Variants in SLC6A4 observed in about 807,000 individuals in gnomAD.
The protein encoded by SLC6A4 is sodium-dependent serotonin transporter.
Under a neutral mutation model 73.4 loss-of-function variants are expected in SLC6A4, and 22 were observed. That is an observed-to-expected ratio of 0.30 (90% CI 0.21 to 0.43). The LOEUF is 0.43. SLC6A4 is among the 20% of genes least tolerant of loss of function. The pLI is 1.00. For synonymous variants in SLC6A4, 270 were observed against 315.5 expected (o/e 0.86, Z 1.53); for missense variants, 593 against 808.5 (o/e 0.73, Z 3.23).
intron 1 of SLC6A4, among the ~76,000 whole-genome samples, chr17:30,229,150 CATGGACT>C (rs1239982851): frequency 6.6e-6 from 1 of 152,190 alleles, no homozygotes; most frequent in Non-Finnish European, 1.5e-5. Context: ...CAGTCATTTT[CATGGACT>C]ATGGACAGGA....
At chr17:30,212,210 C>T (rs1459669625) in intron 9 of SLC6A4, among the ~76,000 whole-genome samples, 1 of 152,056 alleles carries the variant, frequency 6.6e-6, no homozygotes, top group African/African-American at 2.4e-5. Flanking sequence ...GACTTTGAGC[C>T]ATCACAAGAC....
At position 30,230,006 on chromosome 17, in the gene SLC6A4, C is replaced by T. The variant is rs536986812; in HGVS notation, c.-221+5607G>A. ...TGCACTCCAGCCTGGACAACAGGAG[C>T]GAAACTCCATCTCAAAAAAGAAGAA... is the stretch of plus-strand genomic sequence containing the variant. On this transcript the variant is annotated intron_variant, in intron 1 of 14. Transcript: ENST00000650711. Among the ~76,000 whole-genome samples, 17 of 143,798 alleles carry T rather than the reference C, an allele frequency of 1.2e-4. No individual in the cohort carries two copies. The East Asian group carries it at 1.8e-3, about 15-fold the overall frequency. 94.3% of individuals were successfully genotyped at this position (143,798 alleles called of 152,430 possible).
At chr17:30,210,865 T>C (rs554526173) in intron 10 of SLC6A4, among the ~76,000 whole-genome samples, 1 of 152,088 alleles carries the variant, frequency 6.6e-6, no homozygotes, top group South Asian at 2.1e-4. Context: ...GGAAACAAAA[T>C]AGCACACGTG....
Position 30,195,555 on chromosome 17 carries a change from C to T in SLC6A4, c.*2901G>A, listed in dbSNP as rs940415204. ...GAATTACAGGTGTGAGCCATTGTGC[C>T]TGGTGGAGAGGGTATTATTTCACTC... On this transcript the variant is annotated 3_prime_UTR_variant, in exon 15 of 15. Coordinates refer to ENST00000650711, the MANE Select transcript of SLC6A4 (RefSeq NM_001045.6). The T allele has an allele frequency of 2.0e-5, 3 of 152,212 alleles. No homozygotes were observed. The highest frequency in any genetic ancestry group is 7.2e-5 in the African/African-American group (3 of 41,436). The allele number at this position is 152,212 out of a possible 1,614,324, so 9.4% of individuals were successfully genotyped here. A position where few individuals can be genotyped will look rare whatever the true frequency, so the allele number is the denominator to read the frequency against.
At chr17:30,210,212 G>A (rs1233440460) in intron 11 of SLC6A4, among the ~76,000 whole-genome samples, 1 of 152,192 alleles carries the variant, frequency 6.6e-6, no homozygotes, top group East Asian at 1.9e-4. Flanking sequence ...GCTCTAAAGA[G>A]TGGAAATAGG....
At chr17:30,230,101 G>GAAGAAGA (rs397965577) in intron 1 of SLC6A4, among the ~76,000 whole-genome samples, 2 of 90,428 alleles carry the variant, frequency 2.2e-5, no homozygotes, top group East Asian at 8.2e-4. Context: ...AAGAAGAGGA[G>GAAGAAGA]GAAGAGGAAG....
intron 1 of SLC6A4, among the ~76,000 whole-genome samples, chr17:30,228,973 G>A (rs937209973): frequency 3.9e-5 from 6 of 152,198 alleles, no homozygotes; most frequent in Non-Finnish European, 8.8e-5. Context: ...ACTGGGCGAG[G>A]GTGCCAACAG....
chr17:30,225,399 C>A lies in SLC6A4; in HGVS notation c.-220-2484G>T, dbSNP rs1158258103. 3.3e-5 allele frequency among the ~76,000 whole-genome samples: 5 copies of A among 152,202 alleles called. No individual in the cohort carries two copies. In the East Asian group the frequency reaches 9.6e-4, roughly 29 times the overall value. On this transcript the variant is annotated intron_variant, in intron 1 of 14. Coordinates refer to ENST00000650711, the MANE Select transcript of SLC6A4 (RefSeq NM_001045.6). Reference sequence around the variant, plus strand: ...TTTTTCTGATTCTGCAGAGCCCTGGCTGGCTTTTTCTATCAAGACTTGCAC... The same window carrying A: ...TTTTTCTGATTCTGCAGAGCCCTGGATGGCTTTTTCTATCAAGACTTGCAC...
intron 14 of SLC6A4, among the ~76,000 whole-genome samples, chr17:30,199,373 T>C (rs1905959714): frequency 6.6e-6 from 1 of 152,050 alleles, no homozygotes; most frequent in Admixed American, 6.6e-5. Context: ...TTAAGTTGCT[T>C]AATAAAATCT....
chr17:30,215,605 A>T lies in SLC6A4; in HGVS notation c.1076+6T>A. On this transcript the variant is annotated splice_donor_region_variant and intron_variant, in intron 8 of 14. Coordinates refer to ENST00000650711, the MANE Select transcript of SLC6A4 (RefSeq NM_001045.6). ...CAAGCTTTGCTTGGGGACCCCAGAT[A>T]CTCACTGGTAGCAGTTGTTGTTGAA... 1 of 1,610,418 alleles carries T rather than the reference A, an allele frequency of 6.2e-7. No homozygotes were observed. The highest frequency in any genetic ancestry group is 8.5e-7 in the Non-Finnish European group (1 of 1,176,604).
intron 1 of SLC6A4, among the ~76,000 whole-genome samples, chr17:30,231,988 T>C (rs1005459348): frequency 6.6e-6 from 1 of 152,214 alleles, no homozygotes; most frequent in African/African-American, 2.4e-5. Flanking sequence ...GAGCCAGCCA[T>C]GCACAGAGCT....
In SLC6A4 at chr17:30,196,772, C is replaced by T. The variant is rs201781604; in HGVS notation, c.*1684G>A. On this transcript the variant is annotated 3_prime_UTR_variant, in exon 15 of 15. Coordinates refer to ENST00000650711, the MANE Select transcript of SLC6A4 (RefSeq NM_001045.6). ...ATTTCCTAAATTCCCCACTTCTTTT[C>T]CTCTAGCAGTTCTGGGAAACTTCTC... 6.6e-6 allele frequency: 1 copy of T among 152,298 alleles called. No homozygotes were observed. Among genetic ancestry groups the T allele is most frequent in the African/African-American group, 2.4e-5 (1 of 41,424 alleles). The allele number at this position is 152,298 out of a possible 1,614,324, so 9.4% of individuals were successfully genotyped here. A position where few individuals can be genotyped will look rare whatever the true frequency, so the allele number is the denominator to read the frequency against.
At chr17:30,220,532 C>T (rs1383703055) in intron 3 of SLC6A4, among the ~76,000 whole-genome samples, 2 of 152,160 alleles carry the variant, frequency 1.3e-5, no homozygotes, top group Admixed American at 6.5e-5. Flanking sequence ...GCCAGCCATG[C>T]GTGGTTTGAG....
At chr17:30,217,468 TGAA>T (rs1906613919) in intron 5 of SLC6A4, among the ~76,000 whole-genome samples, 164 bp from the exon 6 acceptor site, 1 of 152,226 alleles carries the variant, frequency 6.6e-6, no homozygotes, top group Admixed American at 6.5e-5. Context: ...CTGCCTGTCC[TGAA>T]GGACCACAAA....
At position 30,210,571 on chromosome 17, in the gene SLC6A4, A is replaced by G. The variant is rs28914833; in HGVS notation, c.1393T>C (p.Phe465Leu). 2.2e-4 allele frequency: 363 copies of G among 1,613,894 alleles called. No homozygotes were observed. In the African/African-American group the frequency reaches 4.2e-3, roughly 19 times the overall value. ...CAGGTGATGACCACGGCGAGCACGA[A>G]CCGCTCCCGGCGCTTGGCCCAGACG... is the stretch of plus-strand genomic sequence containing the variant. Reference protein sequence around the residue: ...PHVWAKRRERFVLAVVITCFF... With the variant: ...PHVWAKRRERLVLAVVITCFF... Residue 465 changes from phenylalanine (F) to leucine (L), a missense_variant, in exon 11 of 15, where the codon TTC becomes CTC. Phe to Leu is a conservative substitution (Grantham distance 22). Transcript: ENST00000650711.
chr17:30,230,629 G>A (rs1287758209), intron 1 of SLC6A4, among the ~76,000 whole-genome samples: 1 of 152,134 alleles, frequency 6.6e-6, no homozygotes, highest in Non-Finnish European at 1.5e-5. Context: ...GGGAAGTGGG[G>A]AAAAGGGGGT....
intron 1 of SLC6A4, among the ~76,000 whole-genome samples, chr17:30,231,000 G>C (rs1010768566): frequency 2.0e-5 from 3 of 152,138 alleles, no homozygotes; most frequent in Non-Finnish European, 4.4e-5. Context: ...ACTGAGATGA[G>C]AGCAAGAAAA....
At position 30,209,135 on chromosome 17, in the gene SLC6A4, C is replaced by A. The variant is rs770508145; in HGVS notation, c.1549+8G>T. On this transcript the variant is annotated splice_region_variant and intron_variant, in intron 12 of 14. Transcript: ENST00000650711. ...AAGGGACCCAGCTGGCTGAAGGAAG[C>A]GTCTTACCATAGAACCAAGACACAG... The A allele has an allele frequency of 1.3e-6, 2 of 1,599,826 alleles. No homozygotes were observed. The highest frequency in any genetic ancestry group is 2.2e-5 in the East Asian group (1 of 44,776).
chr17:30,225,539 C>A (rs1373998651), intron 1 of SLC6A4, among the ~76,000 whole-genome samples: 2 of 152,104 alleles, frequency 1.3e-5, no homozygotes, highest in Non-Finnish European at 2.9e-5. Context: ...GTATTTTTAT[C>A]CTGCTGGGTG....
Sources: allele counts gnomAD v4.1 joint callset (sites outside exome capture counted in the v4.1 genomes callset), GRCh38; gene constraint gnomAD v4.1.1; transcripts MANE v1.5; gene names NCBI Gene and HGNC (gene_info 2026-07-23, HGNC 2026-07-21).